SIK3: variants seen among roughly 807,000 people sequenced by gnomAD.
SIK3 encodes SIK family kinase 3.
In SIK3, 28 loss-of-function variants were observed where a neutral mutation model predicts 144.2. The ratio of observed to expected loss-of-function variants is 0.19; its 90% CI spans 0.14 to 0.27. The LOEUF is 0.27. Ranked by LOEUF, SIK3 falls within the 10% of genes least tolerant of loss-of-function variation. SIK3 has a pLI of 1.00. For missense variants in SIK3, 1,319 were observed against 1,776.0 expected (o/e 0.74, Z 4.62); for synonymous variants, 686 against 676.3 (o/e 1.01, Z -0.22).
At chr11:116,927,019 G>A (rs551682324) in intron 4 of SIK3, among the ~76,000 whole-genome samples, 200 bp downstream of exon 4, 3,575 of 110,636 alleles carry the variant, frequency 0.032, 80 homozygotes, top group South Asian at 0.14. Flanking sequence ...ACTCAGTCTC[G>A]AAAAAAAAAA....
Position 116,905,966 on chromosome 11 carries a change from C to T in SIK3, c.617-8649G>A, listed in dbSNP as rs555970162. Among the ~76,000 whole-genome samples the T allele has an allele frequency of 2.8e-4, 43 of 152,218 alleles. 1 individual carries two copies. The highest frequency in any genetic ancestry group is 9.4e-4 in the African/African-American group (39 of 41,528). On this transcript the variant is annotated intron_variant, in intron 4 of 24. Coordinates refer to ENST00000445177, the MANE Select transcript of SIK3 (RefSeq NM_001366686.3). ...CAAAAGTTTTAAATGTTGATGAGGT[C>T]CAACTTATCTGTATTTCCTTTTGTC...
chr11:117,098,084 G>C, intron 1 of SIK3, 59 bp downstream of exon 1: 1 of 1,304,490 alleles, frequency 7.7e-7, no homozygotes, highest in Non-Finnish European at 9.8e-7. Flanking sequence ...CGGCTGGGGG[G>C]CGCGGACCTC....
chr11:116,887,806 C>A (rs896602914), intron 6 of SIK3, among the ~76,000 whole-genome samples: 2 of 152,126 alleles, frequency 1.3e-5, no homozygotes, highest in African/African-American at 4.8e-5. Flanking sequence ...GAGGAAGACA[C>A]ATACATAATT....
chr11:116,914,539 C>T (rs2134990972), intron 4 of SIK3, among the ~76,000 whole-genome samples: 1 of 152,202 alleles, frequency 6.6e-6, no homozygotes, highest in Middle Eastern at 3.4e-3. Flanking sequence ...CAAATGTATT[C>T]TCAGTACAAG....
chr11:116,999,569 G>A (rs1305183699), intron 1 of SIK3, among the ~76,000 whole-genome samples: 1 of 150,752 alleles, frequency 6.6e-6, no homozygotes, highest in Non-Finnish European at 1.5e-5. Context: ...TTTGTTTTTT[G>A]TGGCATTTTG....
At chr11:117,056,068 A>G (rs1012593845) in intron 1 of SIK3, among the ~76,000 whole-genome samples, 2 of 152,238 alleles carry the variant, frequency 1.3e-5, no homozygotes, top group Non-Finnish European at 2.9e-5. Flanking sequence ...GATGTGCTAC[A>G]GGATGAGGAG....
At chr11:116,866,056 A>G (rs1943613219) in intron 15 of SIK3, among the ~76,000 whole-genome samples, 1 of 152,190 alleles carries the variant, frequency 6.6e-6, no homozygotes, top group Admixed American at 6.5e-5. Flanking sequence ...GGCCTTGACA[A>G]TGACTCTAGG....
At chr11:117,003,839 T>C (rs562851596) in intron 1 of SIK3, among the ~76,000 whole-genome samples, 8 of 152,272 alleles carry the variant, frequency 5.3e-5, no homozygotes, top group South Asian at 4.1e-4. Flanking sequence ...AACCTATTTA[T>C]TGACAGACTA....
At chr11:116,847,452 T>G (rs373531752) in intron 23 of SIK3, 24 bp downstream of exon 23, 16 of 1,613,314 alleles carry the variant, frequency 9.9e-6, no homozygotes, top group East Asian at 8.9e-5. Context: ...TTCTCTGGAG[T>G]GCCCCATGCA....
At chr11:116,861,513 T>C in intron 18 of SIK3, 130 bp from the exon 19 acceptor site, 1 of 680,536 alleles carries the variant, frequency 1.5e-6, no homozygotes, top group Non-Finnish European at 2.4e-6. Context: ...GTTAGAAAAA[T>C]ATACATAAGC....
intron 21 of SIK3, among the ~76,000 whole-genome samples, chr11:116,850,115 G>C (rs1463004671): frequency 6.6e-6 from 1 of 152,146 alleles, no homozygotes; most frequent in Non-Finnish European, 1.5e-5. Flanking sequence ...ATCTAACTCT[G>C]CAATGCTGGT....
chr11:116,944,569 C>T (rs1948484189), intron 3 of SIK3, among the ~76,000 whole-genome samples: 1 of 152,186 alleles, frequency 6.6e-6, no homozygotes, highest in Admixed American at 6.5e-5. Context: ...CAATGTAACA[C>T]ATCAATACCA....
intron 15 of SIK3, among the ~76,000 whole-genome samples, chr11:116,866,729 C>A (rs1051559933): frequency 6.6e-6 from 1 of 152,156 alleles, no homozygotes; most frequent in African/African-American, 2.4e-5. Context: ...CGTGAACCAC[C>A]GTGCCTGGCC....
chr11:116,864,877 G>A (rs1019151224), intron 15 of SIK3: 1 of 152,224 alleles, frequency 6.6e-6, no homozygotes, highest in East Asian at 1.9e-4. Context: ...TGCAGACAGC[G>A]CGGGACCAGG....
intron 1 of SIK3, among the ~76,000 whole-genome samples, chr11:117,043,143 G>GA (rs1385230651): frequency 6.6e-6 from 1 of 152,150 alleles, no homozygotes; most frequent in Non-Finnish European, 1.5e-5. Flanking sequence ...TGAAGTTGGA[G>GA]AAACAGTAGT....
chr11:116,856,104 G>A (rs1312967686), intron 21 of SIK3, among the ~76,000 whole-genome samples: 1 of 151,888 alleles, frequency 6.6e-6, no homozygotes, highest in Non-Finnish European at 1.5e-5. Context: ...GGCTGAGGCA[G>A]GAGAATGGCG....
chr11:117,035,996 T>A, intron 1 of SIK3: 2 of 1,546,062 alleles, frequency 1.3e-6, no homozygotes, highest in Non-Finnish European at 1.8e-6. Context: ...TTTCTTCTTG[T>A]GTTTCCTCTT....
chr11:116,962,016 T>C (rs1400666174), intron 1 of SIK3, among the ~76,000 whole-genome samples: 2 of 152,216 alleles, frequency 1.3e-5, no homozygotes, highest in Non-Finnish European at 2.9e-5. Context: ...TTAACTCAAC[T>C]CACTTTTGTA....
intron 1 of SIK3, among the ~76,000 whole-genome samples, chr11:117,038,605 G>A (rs962873882): frequency 5.3e-5 from 8 of 151,702 alleles, no homozygotes; most frequent in African/African-American, 9.7e-5. Context: ...GATCCTCCTC[G>A]GCCTCTCAAA....
Sources: gnomAD v4.1 joint callset for allele counts (sites outside exome capture counted in the v4.1 genomes callset) on GRCh38, gnomAD v4.1.1 for gene constraint, MANE v1.5 for transcripts, NCBI Gene and HGNC (gene_info 2026-07-23, HGNC 2026-07-21) for gene names.